The following RSPO4 variants were observed in gnomAD, a reference collection of about 807,000 sequenced individuals.
The protein encoded by RSPO4 is R-spondin 4.
A neutral mutation model predicts 24.8 loss-of-function variants in RSPO4; 23 were observed. The ratio of observed to expected loss-of-function variants is 0.93; its 90% CI spans 0.67 to 1.31. The LOEUF (loss-of-function observed/expected upper bound fraction) is 1.31. Among genes scored for constraint, RSPO4 ranks in the 40% most tolerant of loss-of-function variants. The pLI is 0.00. For synonymous variants in RSPO4, 141 were observed against 127.4 expected (o/e 1.11, Z -0.72); for missense variants, 333 against 316.5 (o/e 1.05, Z -0.39).
intron 3 of RSPO4, among the ~76,000 whole-genome samples, chr20:964,513 G>A (rs2122210878): frequency 6.6e-6 from 1 of 152,102 alleles, no homozygotes. Context: ...TCAAGTCTCA[G>A]GAAGGCGGGG....
At chr20:974,862 T>C (rs1230716935) in intron 1 of RSPO4, among the ~76,000 whole-genome samples, 5 of 152,194 alleles carry the variant, frequency 3.3e-5, no homozygotes, top group African/African-American at 1.2e-4. Flanking sequence ...ATTCTCTTTT[T>C]TTCTCAGGTC....
intron 1 of RSPO4, among the ~76,000 whole-genome samples, chr20:976,872 A>G (rs1984582598): frequency 6.6e-6 from 1 of 152,184 alleles, no homozygotes; most frequent in African/African-American, 2.4e-5. Flanking sequence ...TTTCACATTA[A>G]AAAGCTGGAA....
chr20:988,644 A>G (rs1984997640), intron 1 of RSPO4, among the ~76,000 whole-genome samples: 1 of 152,134 alleles, frequency 6.6e-6, no homozygotes. Context: ...TCTGCCTCCC[A>G]GGTTCAAGCA....
At chr20:965,157 C>T (rs1285416655) in intron 3 of RSPO4, among the ~76,000 whole-genome samples, 2 of 152,084 alleles carry the variant, frequency 1.3e-5, no homozygotes, top group South Asian at 2.1e-4. Flanking sequence ...ATCTGGACAC[C>T]GCCGTGATGA....
rs1983933106 is a variant in RSPO4, at chr20:959,997, TC to T, written c.*359del. 3 of 286,976 alleles carry T rather than the reference TC, an allele frequency of 1.0e-5. No homozygotes were observed. Among genetic ancestry groups the T allele is most frequent in the Non-Finnish European group, 2.0e-5 (3 of 151,676 alleles). The allele number at this position is 286,976 out of a possible 1,614,324, so 17.8% of individuals were successfully genotyped here. On this transcript the variant is annotated 3_prime_UTR_variant, in exon 5 of 5. Transcript: ENST00000217260. The stretch of plus-strand genomic sequence containing the variant: ...TGCAGGGGAGGGCACAGGCTCATGG[TC>T]CCTCTTAAAGTGTGTGTGAGAGGGA...
At chr20:963,162 C>T (rs1042931051) in intron 4 of RSPO4, among the ~76,000 whole-genome samples, 6 of 152,156 alleles carry the variant, frequency 3.9e-5, no homozygotes, top group Admixed American at 3.3e-4. Context: ...ATTCAGTGGA[C>T]GGCAATCGGG....
At chr20:990,915 G>A (rs1985079918) in intron 1 of RSPO4, among the ~76,000 whole-genome samples, 1 of 152,246 alleles carries the variant, frequency 6.6e-6, no homozygotes, top group Non-Finnish European at 1.5e-5. Context: ...GCCAACTGCA[G>A]GCTGTGATCC....
intron 1 of RSPO4, among the ~76,000 whole-genome samples, chr20:993,662 A>G (rs1478653817): frequency 1.3e-5 from 2 of 152,186 alleles, no homozygotes; most frequent in East Asian, 3.8e-4. Context: ...CAGGCTTTGG[A>G]ATCAATTGTC....
chr20:967,164 C>T lies in RSPO4; in HGVS notation c.409+10G>A. On this transcript the variant is annotated intron_variant, in intron 3 of 4. Transcript: ENST00000217260. ...AGGGGCAGGGGCAGGGCGGGGAGGT[C>T]CCCACTCACCCTGGCACTCCCGTGT... 1 of 1,612,408 alleles carries T rather than the reference C, an allele frequency of 6.2e-7. No homozygotes were observed. The highest frequency in any genetic ancestry group is 8.5e-7 in the Non-Finnish European group (1 of 1,179,440).
chr20:960,402 G>A lies in RSPO4; in HGVS notation c.660C>T (p.Asp220=), dbSNP rs1042605994. ...DRRPRKDRKL[D]RRLDVRPRQP... ...GGCGCGGCCTCACGTCCAGCCTGCG[G>A]TCCAGCTTCCTGTCCTTGCGTGGGC... The change falls in exon 5 of 5, where the codon GAC becomes GAT. Residue 220 remains aspartate (D), a synonymous_variant. Transcript: ENST00000217260. 1.9e-6 allele frequency: 3 copies of A among 1,539,302 alleles called. No individual in the cohort carries two copies. Among genetic ancestry groups the A allele is most frequent in the African/African-American group, 2.7e-5 (2 of 73,236 alleles).
intron 1 of RSPO4, among the ~76,000 whole-genome samples, chr20:976,058 T>C (rs1984551953): frequency 6.6e-6 from 1 of 152,166 alleles, no homozygotes; most frequent in Admixed American, 6.5e-5. Flanking sequence ...CCATCACTCA[T>C]TGAATGAGAT....
intron 1 of RSPO4, among the ~76,000 whole-genome samples, chr20:993,759 C>G (rs1438565313): frequency 6.6e-6 from 1 of 152,146 alleles, no homozygotes; most frequent in Admixed American, 6.5e-5. Flanking sequence ...TGTTTATGAC[C>G]TAGAAAAATG....
At chr20:963,309 A>G (rs1984066326) in intron 4 of RSPO4, among the ~76,000 whole-genome samples, 1 of 152,080 alleles carries the variant, frequency 6.6e-6, no homozygotes, top group Non-Finnish European at 1.5e-5. Context: ...ATGAATACCA[A>G]TTGGTTTCGA....
At position 958,685 on chromosome 20, in the gene RSPO4, T is replaced by G. The variant is rs1983873994; in HGVS notation, c.*1672A>C. On this transcript the variant is annotated 3_prime_UTR_variant, in exon 5 of 5. Coordinates refer to ENST00000217260, the MANE Select transcript of RSPO4 (RefSeq NM_001029871.4). ...AGGCCAGGGCTCCCCAGCTGCCAGG[T>G]GGAGGGCAGGTCTGAGGGTGGGTGC... 1 of 150,788 alleles carries G rather than the reference T, an allele frequency of 6.6e-6. No individual in the cohort carries two copies. Among genetic ancestry groups the G allele is most frequent in the African/African-American group, 2.5e-5 (1 of 40,756 alleles). 9.3% of individuals were successfully genotyped at this position (150,788 alleles called of 1,614,324 possible).
At chr20:1,001,992 G>T in intron 1 of RSPO4, 94 bp downstream of exon 1, 2 of 1,062,342 alleles carry the variant, frequency 1.9e-6, no homozygotes, top group Non-Finnish European at 1.4e-6. Flanking sequence ...CCAGGCACCA[G>T]GCAGATGCCC....
intron 1 of RSPO4, among the ~76,000 whole-genome samples, chr20:974,915 C>T (rs933545117): frequency 3.3e-5 from 5 of 152,058 alleles, no homozygotes; most frequent in South Asian, 2.1e-4. Flanking sequence ...AGATGATTCC[C>T]GACTAATACA....
chr20:962,377 A>C (rs1484566525), intron 4 of RSPO4, among the ~76,000 whole-genome samples: 1 of 152,200 alleles, frequency 6.6e-6, no homozygotes, highest in Non-Finnish European at 1.5e-5. Context: ...CACAGCACTA[A>C]GCACAGCCAG....
At position 963,921 on chromosome 20, in the gene RSPO4, G is replaced by T; in HGVS notation, c.595+14C>A. On this transcript the variant is annotated intron_variant, in intron 4 of 4. Coordinates refer to ENST00000217260, the MANE Select transcript of RSPO4 (RefSeq NM_001029871.4). ...TTTCCCACCGCAGCCTCGTGTGCCT[G>T]TCCTGGGGCTCACCTCCTGGGCAGG... The T allele has an allele frequency of 6.2e-7, 1 of 1,613,168 alleles. No individual in the cohort carries two copies. Among genetic ancestry groups the T allele is most frequent in the Non-Finnish European group, 8.5e-7 (1 of 1,179,870 alleles).
chr20:988,778 T>C (rs1207267582), intron 1 of RSPO4, among the ~76,000 whole-genome samples: 2 of 152,120 alleles, frequency 1.3e-5, no homozygotes, highest in Non-Finnish European at 2.9e-5. Flanking sequence ...CTTGAACTCC[T>C]GACCTCAAGT....
Sources: gnomAD v4.1 joint callset for allele counts (sites outside exome capture counted in the v4.1 genomes callset) on GRCh38, gnomAD v4.1.1 for gene constraint, MANE v1.5 for transcripts, NCBI Gene and HGNC (gene_info 2026-07-23, HGNC 2026-07-21) for gene names.